The following CLBA1 variants were observed in gnomAD, a reference collection of about 807,000 sequenced individuals.
CLBA1 encodes the protein uncharacterized protein CLBA1.
CLBA1 carries 30 observed loss-of-function variants against 28.8 expected under a neutral mutation model. That is an observed-to-expected ratio of 1.04 (90% CI 0.78 to 1.41). The LOEUF is 1.41. Among genes scored for constraint, CLBA1 ranks in the 40% most tolerant of loss-of-function variants. The probability of loss-of-function intolerance (pLI) is 0.00; values close to 1 mark genes in which losing one functional copy is unlikely to be tolerated. For synonymous variants in CLBA1, 160 were observed against 152.8 expected (o/e 1.05, Z -0.35); for missense variants, 451 against 412.3 (o/e 1.09, Z -0.81).
At chr14:104,988,615 A>C (rs933330968) in intron 1 of CLBA1, among the ~76,000 whole-genome samples, 1 of 152,222 alleles carries the variant, frequency 6.6e-6, no homozygotes, top group East Asian at 1.9e-4. Flanking sequence ...CTGGGATTAC[A>C]GGCGTGAGCC....
intron 1 of CLBA1, 49 bp downstream of exon 1, chr14:104,986,903 C>T (rs758606186): frequency 6.3e-7 from 1 of 1,582,332 alleles, no homozygotes; most frequent in Non-Finnish European, 8.6e-7. Context: ...CGTGTACACA[C>T]CAAGAGGCCT....
In CLBA1 at chr14:104,991,488, C is replaced by A. The variant is rs1900018662; in HGVS notation, c.570-3C>A. ...CCTTTTAACAAGTGCATCTGTTTTC[C>A]AGTAACGAATCCAGAAAACTCTGGA... On this transcript the variant is annotated splice_region_variant and splice_polypyrimidine_tract_variant and intron_variant, in intron 2 of 4. Coordinates refer to ENST00000547315, the MANE Select transcript of CLBA1 (RefSeq NM_174891.4). The A allele has an allele frequency of 6.2e-7, 1 of 1,613,668 alleles. No individual in the cohort carries two copies. The highest frequency in any genetic ancestry group is 1.3e-5 in the African/African-American group (1 of 74,944).
At chr14:104,993,908 G>A (rs1900104383) in intron 4 of CLBA1, 1 of 985,334 alleles carries the variant, frequency 1.0e-6, no homozygotes, top group South Asian at 4.7e-5. Flanking sequence ...AAGGACCTGA[G>A]ACTGAGCTGG....
At chr14:104,999,367 C>A, downstream of CLBA1, 2 of 453,828 alleles carry the variant, frequency 4.4e-6, no homozygotes, top group Non-Finnish European at 5.8e-6. Flanking sequence ...GAGGCTTTGG[C>A]CATCATGCAA....
Position 104,986,772 on chromosome 14 carries a change from C to A in CLBA1, c.341C>A (p.Ser114Tyr), listed in dbSNP as rs758354480. Residue 114 changes from serine (S) to tyrosine (Y), a missense_variant, in exon 1 of 5, where the codon TCT becomes TAT. By Grantham distance (144) the Ser-to-Tyr change is moderately radical. Transcript: ENST00000547315. ...GAACCCCAGCCACCGAGAACCACTT[C>A]TGCCCCAAAAGAGTGCAGTTCTCAC... ...PTEPQPPRTT[S>Y]APKECSSHQP... The A allele has an allele frequency of 5.0e-6, 8 of 1,613,942 alleles. No homozygotes were observed. Among genetic ancestry groups the A allele is most frequent in the Middle Eastern group, 1.6e-4 (1 of 6,084 alleles).
rs377016992 is a variant in CLBA1, at chr14:104,988,927, CTTCTT to C, written c.424-7_424-3del. 613 of 1,589,790 alleles carry C rather than the reference CTTCTT, an allele frequency of 3.9e-4. 5 individuals carry two copies. In the South Asian group the frequency reaches 4.9e-3, roughly 13 times the overall value. On this transcript the variant is annotated splice_polypyrimidine_tract_variant and intron_variant, in intron 1 of 4. Transcript: ENST00000547315. ...TTTCTCCTAACTTTGGTATGCTTTT[CTTCTT>C]TTCTTTTCAGCCCATTCTCAGCTAT... is the stretch of plus-strand genomic sequence containing the variant.
chr14:104,990,190 TG>T (rs1899982440), intron 2 of CLBA1: 2 of 162,574 alleles, frequency 1.2e-5, no homozygotes, highest in Non-Finnish European at 2.7e-5. Context: ...TGGGGAGTCC[TG>T]GGTGTCAGGA....
In CLBA1 at chr14:104,991,584, CTTCT is replaced by C. The variant is rs1305012179; in HGVS notation, c.669_672del (p.Phe223LeufsTer5). On this transcript the variant is annotated frameshift_variant, in exon 3 of 5. Coordinates refer to ENST00000547315, the MANE Select transcript of CLBA1 (RefSeq NM_174891.4). LOFTEE classifies it high-confidence loss of function. Reference sequence around the variant, plus strand: ...GGAGCGAGTCCCGTTGCCAGGAGAACTTCTTTCTTGTTCTCGGAATAGATGCTGC... The same window carrying C: ...GGAGCGAGTCCCGTTGCCAGGAGAACTTCTTGTTCTCGGAATAGATGCTGC... The C allele has an allele frequency of 1.2e-6, 2 of 1,613,504 alleles. No individual in the cohort carries two copies. Among genetic ancestry groups the C allele is most frequent in the Non-Finnish European group, 1.7e-6 (2 of 1,179,776 alleles).
intron 4 of CLBA1, chr14:104,994,214 A>G (rs1178519827): frequency 1.0e-6 from 1 of 985,316 alleles, no homozygotes; most frequent in Non-Finnish European, 1.2e-6. Context: ...GGAGACGTCC[A>G]GCCGCAGCTG....
At chr14:104,990,132 G>A in intron 2 of CLBA1, 1 of 183,204 alleles carries the variant, frequency 5.5e-6, no homozygotes, top group East Asian at 1.2e-4. Flanking sequence ...TGTGCTGGCA[G>A]CATTGACATC....
rs747469736 is a variant in CLBA1, at chr14:104,994,715, C to T, written c.934C>T (p.Pro312Ser). 1.2e-6 allele frequency: 2 copies of T among 1,613,532 alleles called. No homozygotes were observed. The highest frequency in any genetic ancestry group is 3.3e-5 in the Admixed American group (2 of 59,916). ...ITIPRKRMFTPRKLKLTLFNS... is the reference protein window; with the variant it reads ...ITIPRKRMFTSRKLKLTLFNS... ...TATTCCAAGGAAAAGGATGTTCACT[C>T]CACGCAAGCTCAAACTGACACTCTT... The change falls in exon 5 of 5, where the codon CCA (proline) becomes TCA (serine). Residue 312 changes from proline to serine, a missense_variant. Transcript: ENST00000547315.
chr14:104,987,126 T>TCCCCCAGCCTGTCCATTCCC (rs1899887407), intron 1 of CLBA1, among the ~76,000 whole-genome samples: 1 of 152,166 alleles, frequency 6.6e-6, no homozygotes, highest in Admixed American at 6.5e-5. Flanking sequence ...TGACCATTCC[T>TCCCCCAGCCTGTCCATTCCC]CCCCCAGCCT....
In CLBA1 at chr14:104,994,669, C is replaced by T. The variant is rs373316767; in HGVS notation, c.888C>T (p.Cys296=). Reference sequence around the variant, plus strand: ...GCCGCTTCCTGAAGACCCCCTCATGCGGAGGTGGCCAGCACATCACTATTC... The same window carrying T: ...GCCGCTTCCTGAAGACCCCCTCATGTGGAGGTGGCCAGCACATCACTATTC... The part of the protein sequence containing the change: ...TCSRFLKTPS[C]GGGQHITIPR... Residue 296 remains cysteine (C), a synonymous_variant, in exon 5 of 5, where the codon TGC becomes TGT. Coordinates refer to ENST00000547315, the MANE Select transcript of CLBA1 (RefSeq NM_174891.4). 50 of 1,613,874 alleles carry T rather than the reference C, an allele frequency of 3.1e-5. No individual in the cohort carries two copies. In the African/African-American group the frequency reaches 6.1e-4, roughly 20 times the overall value.
chr14:105,000,562 G>A (rs544737055), intron 2 of CLBA1, among the ~76,000 whole-genome samples: 197 of 152,010 alleles, frequency 1.3e-3, no homozygotes, highest in Non-Finnish European at 2.3e-3. Flanking sequence ...GTGAGCCACC[G>A]CGTCCAGCCA....
intron 3 of CLBA1, among the ~76,000 whole-genome samples, chr14:104,992,507 C>T (rs1486465863): frequency 6.6e-6 from 1 of 152,204 alleles, no homozygotes; most frequent in Non-Finnish European, 1.5e-5. Flanking sequence ...CCATGGGCCA[C>T]ATTGGGCTGG....
intron 2 of CLBA1, among the ~76,000 whole-genome samples, chr14:105,000,943 A>G (rs1900254880): frequency 6.6e-6 from 1 of 151,690 alleles, no homozygotes; most frequent in African/African-American, 2.4e-5. Flanking sequence ...AGATACCCGC[A>G]CCCCCATGTT....
chr14:104,995,292 G>A lies in CLBA1; in HGVS notation c.*533G>A. On this transcript the variant is annotated 3_prime_UTR_variant, in exon 5 of 5. Coordinates refer to ENST00000547315, the MANE Select transcript of CLBA1 (RefSeq NM_174891.4). ...TGTGCTGTGTCCTCAGAGCCTCGCA[G>A]GTGCCCTCACTTACTGCCTGGGCCC... The A allele has an allele frequency of 1.0e-6, 1 of 985,538 alleles. No homozygotes were observed. The highest frequency in any genetic ancestry group is 1.2e-6 in the Non-Finnish European group (1 of 830,038). 61.0% of individuals were successfully genotyped at this position (985,538 alleles called of 1,614,324 possible). A position where few individuals can be genotyped will look rare whatever the true frequency, so the allele number is the denominator to read the frequency against.
Position 104,995,389 on chromosome 14 carries a change from G to A in CLBA1, c.*630G>A, listed in dbSNP as rs542735563. 95 of 985,440 alleles carry A rather than the reference G, an allele frequency of 9.6e-5. No individual in the cohort carries two copies. The South Asian group carries it at 3.2e-3, about 34-fold the overall frequency. The allele number at this position is 985,440 out of a possible 1,614,324, so 61.0% of individuals were successfully genotyped here. On this transcript the variant is annotated 3_prime_UTR_variant, in exon 5 of 5. Coordinates refer to ENST00000547315, the MANE Select transcript of CLBA1 (RefSeq NM_174891.4). ...ACAGGAGGTCGCACCACTGGCCTGC[G>A]AGAGCCTCTGGTGGGCCCGTGGCTT...
In CLBA1 at chr14:104,992,082, G is replaced by A. The variant is rs549659456; in HGVS notation, c.699+462G>A. On this transcript the variant is annotated intron_variant, in intron 3 of 4. Transcript: ENST00000547315. ...CACGCCGCCACGCACACCCCGCCAC[G>A]CACATGCCTCACACACCACCACATG... 6.2e-3 allele frequency among the ~76,000 whole-genome samples: 754 copies of A among 121,842 alleles called. 8 individuals carry two copies. The highest frequency in any genetic ancestry group is 0.012 in the Middle Eastern group (2 of 170). 79.9% of individuals were successfully genotyped at this position (121,842 alleles called of 152,430 possible). A position where few individuals can be genotyped will look rare whatever the true frequency, so the allele number is the denominator to read the frequency against.
Sources: gnomAD v4.1 joint callset for allele counts (sites outside exome capture counted in the v4.1 genomes callset) on GRCh38, gnomAD v4.1.1 for gene constraint, MANE v1.5 for transcripts, NCBI Gene and HGNC (gene_info 2026-07-23, HGNC 2026-07-21) for gene names.